Variants in CSMD3 observed in about 807,000 individuals in gnomAD.
The protein encoded by CSMD3 is CUB and sushi domain-containing protein 3.
A neutral mutation model predicts 435.2 loss-of-function variants in CSMD3; 177 were observed. That is an observed-to-expected ratio of 0.41 (90% CI 0.36 to 0.46). The LOEUF (loss-of-function observed/expected upper bound fraction) is 0.46. Among genes scored for constraint, CSMD3 ranks in the 20% least tolerant of loss-of-function variants. CSMD3 has a pLI of 0.34. For synonymous variants in CSMD3, 1,656 were observed against 1,520.5 expected (o/e 1.09, Z -2.07); for missense variants, 4,265 against 4,504.6 (o/e 0.95, Z 1.52).
chr8:113,372,249 C>T (rs553432169), intron 1 of CSMD3, among the ~76,000 whole-genome samples: 5 of 152,254 alleles, frequency 3.3e-5, no homozygotes, highest in African/African-American at 1.2e-4. Flanking sequence ...AAGTTCATTT[C>T]ACATTTGCAC....
At chr8:112,350,557 T>C (rs1462760319) in intron 40 of CSMD3, among the ~76,000 whole-genome samples, 2 of 151,954 alleles carry the variant, frequency 1.3e-5, no homozygotes, top group African/African-American at 2.4e-5. Context: ...GGATCATACC[T>C]CACATTACTT....
chr8:112,533,179 C>G (rs1339507984), intron 27 of CSMD3, among the ~76,000 whole-genome samples: 1 of 151,526 alleles, frequency 6.6e-6, no homozygotes, highest in Non-Finnish European at 1.5e-5. Context: ...AAGAAAATCA[C>G]TTAACCACAA....
intron 28 of CSMD3, among the ~76,000 whole-genome samples, chr8:112,507,950 A>G (rs1240870990): frequency 1.3e-5 from 2 of 152,046 alleles, no homozygotes; most frequent in South Asian, 2.1e-4. Context: ...CCTGTCGCTT[A>G]TATGTTTTTG....
At chr8:112,474,539 C>T (rs1376666462) in intron 31 of CSMD3, among the ~76,000 whole-genome samples, 3 of 152,000 alleles carry the variant, frequency 2.0e-5, no homozygotes, top group African/African-American at 4.8e-5. Context: ...GAGTGATTCC[C>T]ATTAGATATC....
chr8:112,234,340 C>T (rs1321102291), intron 68 of CSMD3, 25 bp downstream of exon 68: 17 of 1,399,034 alleles, frequency 1.2e-5, no homozygotes, highest in Non-Finnish European at 1.7e-5. Context: ...AAATCAGCAG[C>T]AGATGTTAAA....
Position 112,794,285 on chromosome 8 carries a change from C to CTTTTTTTTTTTTTTTTTTTTTTTTT in CSMD3, c.1972+5852_1972+5876dup, listed in dbSNP as rs1203991072. 6.2e-5 allele frequency among the ~76,000 whole-genome samples: 6 copies of CTTTTTTTTTTTTTTTTTTTTTTTTT among 96,302 alleles called. 2 individuals are homozygous for CTTTTTTTTTTTTTTTTTTTTTTTTT. The highest frequency in any genetic ancestry group is 2.3e-4 in the African/African-American group (6 of 25,776). 63.2% of individuals were successfully genotyped at this position (96,302 alleles called of 152,430 possible). A position where few individuals can be genotyped will look rare whatever the true frequency, so the allele number is the denominator to read the frequency against. ...TTGCCCCAGATGCTGGACTGATAAA[C>CTTTTTTTTTTTTTTTTTTTTTTTTT]TTTTTTTTTTTTTTTTTTTTTTTTT... On this transcript the variant is annotated intron_variant, in intron 13 of 70. Transcript: ENST00000297405.
At chr8:113,254,251 G>T (rs2093360847) in intron 3 of CSMD3, among the ~76,000 whole-genome samples, 1 of 152,194 alleles carries the variant, frequency 6.6e-6, no homozygotes, top group African/African-American at 2.4e-5. Context: ...AATCAGCTGT[G>T]AAATCATTTC....
intron 23 of CSMD3, among the ~76,000 whole-genome samples, chr8:112,582,764 G>A (rs1324172201): frequency 6.6e-6 from 1 of 151,950 alleles, no homozygotes; most frequent in Non-Finnish European, 1.5e-5. Context: ...TAGGAAGTGA[G>A]GCCTTTGGGA....
At chr8:113,122,498 T>A (rs2091013000) in intron 4 of CSMD3, among the ~76,000 whole-genome samples, 1 of 152,076 alleles carries the variant, frequency 6.6e-6, no homozygotes, top group Admixed American at 6.6e-5. Context: ...TAAAATCCAA[T>A]TAAGGCTACT....
chr8:112,710,219 G>C (rs2076582890), intron 13 of CSMD3, among the ~76,000 whole-genome samples: 1 of 152,042 alleles, frequency 6.6e-6, no homozygotes, highest in African/African-American at 2.4e-5. Flanking sequence ...CCAATTATAG[G>C]TGAATTTAAG....
intron 13 of CSMD3, among the ~76,000 whole-genome samples, chr8:112,791,895 T>C (rs1304853726): frequency 1.3e-5 from 2 of 152,280 alleles, no homozygotes; most frequent in East Asian, 3.9e-4. Context: ...CAACATTTTT[T>C]AATCTTCACC....
intron 8 of CSMD3, among the ~76,000 whole-genome samples, chr8:112,948,231 G>T (rs916986994): frequency 6.6e-6 from 1 of 152,066 alleles, no homozygotes; most frequent in East Asian, 1.9e-4. Context: ...TGGCAACAAA[G>T]AAGTCAACCA....
At chr8:112,271,361 CAG>C (rs1343352296) in intron 59 of CSMD3, among the ~76,000 whole-genome samples, 5 of 151,990 alleles carry the variant, frequency 3.3e-5, no homozygotes, top group Non-Finnish European at 7.4e-5. Flanking sequence ...GCAGAGAAAA[CAG>C]AAATTAAAAA....
chr8:112,872,607 C>T (rs1406133254), intron 10 of CSMD3, among the ~76,000 whole-genome samples: 2 of 151,838 alleles, frequency 1.3e-5, no homozygotes, highest in Admixed American at 6.6e-5. Flanking sequence ...ATCTTAGCCA[C>T]GAAAGTCATG....
intron 6 of CSMD3, among the ~76,000 whole-genome samples, chr8:113,012,339 C>T (rs1209597638): frequency 1.3e-5 from 2 of 151,760 alleles, no homozygotes; most frequent in Non-Finnish European, 1.5e-5. Flanking sequence ...TCTGGAATTA[C>T]ACTAACGAAG....
rs142161405 is a variant in CSMD3, at chr8:112,533,197, G to A, written c.4565-15972C>T. On this transcript the variant is annotated intron_variant, in intron 27 of 70. Coordinates refer to ENST00000297405, the MANE Select transcript of CSMD3 (RefSeq NM_198123.2). ...AAAATCACTTAACCACAAAGGAAGTGAAGAAGAAAGAAAAAGAGGAGTTAT... is the reference window on the plus strand; with the variant it reads ...AAAATCACTTAACCACAAAGGAAGTAAAGAAGAAAGAAAAAGAGGAGTTAT... Among the ~76,000 whole-genome samples the A allele has an allele frequency of 3.6e-3, 539 of 151,810 alleles. 1 individual carries two copies. The highest frequency in any genetic ancestry group is 0.013 in the African/African-American group (518 of 41,434).
intron 7 of CSMD3, among the ~76,000 whole-genome samples, chr8:112,973,917 A>G (rs947259372): frequency 6.6e-6 from 1 of 151,906 alleles, no homozygotes; most frequent in Non-Finnish European, 1.5e-5. Context: ...TGAATACATT[A>G]AAAATGTTTT....
At chr8:112,342,436 C>T (rs1472550892) in intron 41 of CSMD3, among the ~76,000 whole-genome samples, 1 of 151,948 alleles carries the variant, frequency 6.6e-6, no homozygotes, top group East Asian at 1.9e-4. Context: ...TATTATCACT[C>T]TCTAAATTAT....
At chr8:113,327,921 A>G (rs991692472) in intron 1 of CSMD3, among the ~76,000 whole-genome samples, 8 of 152,168 alleles carry the variant, frequency 5.3e-5, no homozygotes, top group Non-Finnish European at 1.0e-4. Flanking sequence ...CATATTCACA[A>G]GGTTATGTGC....
Sources: allele counts gnomAD v4.1 joint callset (sites outside exome capture counted in the v4.1 genomes callset), GRCh38; gene constraint gnomAD v4.1.1; transcripts MANE v1.5; gene names NCBI Gene and HGNC (gene_info 2026-07-23, HGNC 2026-07-21).